The following GALNT10 variants were observed in gnomAD, a reference collection of about 807,000 sequenced individuals.
The protein encoded by GALNT10 is polypeptide N-acetylgalactosaminyltransferase 10, also known as GalNAc transferase 10.
Under a neutral mutation model 75.0 loss-of-function variants are expected in GALNT10, and 41 were observed. The ratio of observed to expected loss-of-function variants is 0.55; its 90% CI spans 0.43 to 0.71. GALNT10 has a LOEUF of 0.71. Ranked by LOEUF, GALNT10 falls within the 30% of genes least tolerant of loss-of-function variation. The probability of loss-of-function intolerance (pLI) is 0.00; values close to 1 mark genes in which losing one functional copy is unlikely to be tolerated. For missense variants in GALNT10, 727 were observed against 818.5 expected (o/e 0.89, Z 1.36); for synonymous variants, 302 against 313.0 (o/e 0.96, Z 0.37).
At chr5:154,347,260 G>C (rs780733358) in intron 4 of GALNT10, 1 of 466,446 alleles carries the variant, frequency 2.1e-6, no homozygotes, top group Non-Finnish European at 4.2e-6. Context: ...CTGGACAAGC[G>C]CATGGCAGAG....
At chr5:154,216,894 CT>C (rs1254341427) in intron 1 of GALNT10, among the ~76,000 whole-genome samples, 4 of 152,030 alleles carry the variant, frequency 2.6e-5, no homozygotes, top group African/African-American at 9.7e-5. Context: ...GCAGCTTTTA[CT>C]TTTGTAGATT....
At chr5:154,361,819 C>G (rs1319300314) in intron 4 of GALNT10, among the ~76,000 whole-genome samples, 1 of 152,198 alleles carries the variant, frequency 6.6e-6, no homozygotes, top group Non-Finnish European at 1.5e-5. Context: ...CTTAATGCCC[C>G]CCAGAGGAGG....
At chr5:154,266,559 T>G (rs1753776884) in intron 1 of GALNT10, among the ~76,000 whole-genome samples, 2 of 136,106 alleles carry the variant, frequency 1.5e-5, no homozygotes, top group African/African-American at 5.5e-5. Flanking sequence ...GAAAATAAAA[T>G]TAAAGACTAT....
At chr5:154,257,367 A>T (rs1318965004) in intron 1 of GALNT10, among the ~76,000 whole-genome samples, 1 of 152,158 alleles carries the variant, frequency 6.6e-6, no homozygotes, top group Non-Finnish European at 1.5e-5. Flanking sequence ...CTGGATCTTA[A>T]AGTTGAGTTT....
chr5:154,221,076 A>G (rs1752970761), intron 1 of GALNT10, among the ~76,000 whole-genome samples: 1 of 152,152 alleles, frequency 6.6e-6, no homozygotes, highest in South Asian at 2.1e-4. Context: ...TTTGTCCTTC[A>G]CAAGTAAGAT....
chr5:154,400,945 C>T (rs1250888985), intron 7 of GALNT10, among the ~76,000 whole-genome samples: 1 of 152,204 alleles, frequency 6.6e-6, no homozygotes, highest in East Asian at 1.9e-4. Context: ...TTCATCTGAG[C>T]AGATGTCTGT....
chr5:154,319,025 G>A (rs936932463), intron 3 of GALNT10, among the ~76,000 whole-genome samples: 8 of 152,218 alleles, frequency 5.3e-5, no homozygotes, highest in African/African-American at 1.9e-4. Flanking sequence ...CAGAAGTATT[G>A]ATTCAAGAGG....
chr5:154,216,913 C>T (rs1008845948), intron 1 of GALNT10, among the ~76,000 whole-genome samples: 2 of 151,736 alleles, frequency 1.3e-5, no homozygotes, highest in Non-Finnish European at 2.9e-5. Flanking sequence ...ATTGTGTCAA[C>T]TTATGAAAAA....
chr5:154,386,391 G>C lies in GALNT10; in HGVS notation c.1017G>C (p.Leu339Phe). Residue 339 changes from leucine to phenylalanine, a missense_variant, in exon 7 of 12, where the codon TTG (leucine) becomes TTC (phenylalanine). Coordinates refer to ENST00000297107, the MANE Select transcript of GALNT10 (RefSeq NM_198321.4). ...FWELGGYDPGLEIWGGEQYEI... is the reference protein window; with the variant it reads ...FWELGGYDPGFEIWGGEQYEI... Reference sequence around the variant, plus strand: ...AACTCGGCGGGTATGACCCAGGCTTGGAGATCTGGGGAGGGGAGCAGTATG... The same window carrying C: ...AACTCGGCGGGTATGACCCAGGCTTCGAGATCTGGGGAGGGGAGCAGTATG... The C allele has an allele frequency of 1.2e-6, 2 of 1,613,696 alleles. No homozygotes were observed. Among genetic ancestry groups the C allele is most frequent in the Non-Finnish European group, 1.7e-6 (2 of 1,179,578 alleles).
chr5:154,409,740 C>G lies in GALNT10; in HGVS notation c.1364C>G (p.Pro455Arg). The change falls in exon 9 of 12, where the codon CCC becomes CGC. Residue 455 changes from proline to arginine, a missense_variant. By Grantham distance (103) the Pro-to-Arg change is moderately radical. Coordinates refer to ENST00000297107, the MANE Select transcript of GALNT10 (RefSeq NM_198321.4). The surrounding 1 kb of genome is among the most constrained non-coding windows in gnomAD (Gnocchi z 4.5). ...DLPKFYPPVE[P>R]PAAAWGEIRN... ...CCCAAATTCTACCCACCCGTGGAGC[C>G]CCCGGCTGCAGCTTGGGGGGAGGTG... is the stretch of plus-strand genomic sequence containing the variant. 6.2e-7 allele frequency: 1 copy of G among 1,613,730 alleles called. No individual in the cohort carries two copies. Among genetic ancestry groups the G allele is most frequent in the Admixed American group, 1.7e-5 (1 of 60,016 alleles).
chr5:154,393,697 A>G (rs755456107), intron 7 of GALNT10, among the ~76,000 whole-genome samples: 15 of 152,204 alleles, frequency 9.9e-5, no homozygotes, highest in South Asian at 2.1e-4. Context: ...TTAGCTGGGC[A>G]TGGTGGTGTG....
intron 1 of GALNT10, among the ~76,000 whole-genome samples, chr5:154,229,418 T>G (rs1413528651): frequency 6.6e-6 from 1 of 152,242 alleles, no homozygotes; most frequent in East Asian, 1.9e-4. Context: ...CTATTGATTT[T>G]AATCTTCCCT....
At chr5:154,250,805 T>TA (rs1448975348) in intron 1 of GALNT10, among the ~76,000 whole-genome samples, 8 of 152,200 alleles carry the variant, frequency 5.3e-5, no homozygotes, top group African/African-American at 1.7e-4. Context: ...CCTGACTTCT[T>TA]AGTTTTTATT....
chr5:154,190,802 C>CGGACGGGT lies in GALNT10; in HGVS notation c.-60_-59insGGTGGACG, dbSNP rs1313134946. On this transcript the variant is annotated 5_prime_UTR_variant, in exon 1 of 12. Transcript: ENST00000297107. ...CTGCTGCCGCCGCCGGGCGGACGGG[C>CGGACGGGT]GGACGCGCGGAGCTGGGGGCGGCGC... 2.3e-6 allele frequency: 2 copies of CGGACGGGT among 874,004 alleles called. No individual in the cohort carries two copies. The highest frequency in any genetic ancestry group is 1.9e-5 in the African/African-American group (1 of 54,000). 54.1% of individuals were successfully genotyped at this position (874,004 alleles called of 1,614,324 possible).
At chr5:154,354,038 G>A (rs775114726) in intron 4 of GALNT10, among the ~76,000 whole-genome samples, 5 of 152,252 alleles carry the variant, frequency 3.3e-5, no homozygotes, top group South Asian at 4.1e-4. Flanking sequence ...TACTTGAATC[G>A]CAACCCACCA....
chr5:154,365,207 T>C (rs964835261), intron 4 of GALNT10, among the ~76,000 whole-genome samples: 7 of 152,222 alleles, frequency 4.6e-5, no homozygotes, highest in Non-Finnish European at 8.8e-5. Flanking sequence ...ATGTGACTGC[T>C]TGAAGAAGGA....
intron 1 of GALNT10, among the ~76,000 whole-genome samples, chr5:154,254,843 G>A (rs1319780945): frequency 6.6e-6 from 1 of 152,148 alleles, no homozygotes; most frequent in East Asian, 1.9e-4. Context: ...AAGAAGTTCA[G>A]GGGCAGGTAA....
intron 3 of GALNT10, among the ~76,000 whole-genome samples, chr5:154,329,158 T>C (rs1210548575): frequency 6.6e-6 from 1 of 152,118 alleles, no homozygotes; most frequent in Admixed American, 6.5e-5. Flanking sequence ...TATTAGAACA[T>C]AAGATTTTCC....
At chr5:154,297,905 A>G in intron 2 of GALNT10, 36 bp from the exon 3 acceptor site, 2 of 1,599,018 alleles carry the variant, frequency 1.3e-6, no homozygotes, top group South Asian at 1.1e-5. Context: ...TACCCCATAC[A>G]TCATTAGCAA....
Sources: allele counts gnomAD v4.1 joint callset (sites outside exome capture counted in the v4.1 genomes callset), GRCh38; gene constraint gnomAD v4.1.1; non-coding constraint Gnocchi (gnomAD v3.1); transcripts MANE v1.5; gene names NCBI Gene and HGNC (gene_info 2026-07-23, HGNC 2026-07-21).